The following CLEC4D variants were observed in gnomAD, a reference collection of about 807,000 sequenced individuals.
CLEC4D encodes the protein C-type (calcium dependent, carbohydrate-recognition domain) lectin, superfamily member 8.
In CLEC4D, 21 loss-of-function variants were observed where a neutral mutation model predicts 21.1. That is an observed-to-expected ratio of 1.00 (90% confidence interval 0.71 to 1.43). The LOEUF is 1.43. Among genes scored for constraint, CLEC4D ranks in the 40% most tolerant of loss-of-function variants. CLEC4D has a pLI of 0.00. For missense variants in CLEC4D, 289 were observed against 260.7 expected, an observed-to-expected ratio of 1.11 and a Z score of -0.75; for synonymous variants, 85 against 83.1, an observed-to-expected ratio of 1.02 and a Z score of -0.12.
intron 3 of CLEC4D, among the ~76,000 whole-genome samples, chr12:8,518,546 A>G (rs974022516): frequency 6.6e-6 from 1 of 152,238 alleles, no homozygotes; most frequent in Non-Finnish European, 1.5e-5. Flanking sequence ...TGATTCAGAC[A>G]TATGATAAAG....
rs1041214765 is a variant in CLEC4D at position 8,521,936 on chromosome 12, C to T, written c.*665C>T. The T allele has an allele frequency of 6.6e-6, 1 of 152,128 alleles. No homozygotes were observed. The allele number at this position is 152,128 out of a possible 1,614,324, so 9.4% of individuals were successfully genotyped here. A position where few individuals can be genotyped will look rare whatever the true frequency, so the allele number is the denominator to read the frequency against. ...AGAAGTCTTTGTAAGACACCTTAAA[C>T]AAAGTCCTTCAATTCTACAGCAGAG... On this transcript the variant is annotated 3_prime_UTR_variant, in exon 6 of 6. Coordinates refer to ENST00000299665, the MANE Select transcript of CLEC4D (RefSeq NM_080387.5).
the CLEC4D span, among the ~76,000 whole-genome samples, chr12:8,529,058 G>T: frequency 3.9e-5 from 6 of 151,948 alleles, no homozygotes; most frequent in South Asian, 2.1e-4. Flanking sequence ...CATTTATATT[G>T]CATTGTTGCA....
intron 1 of CLEC4D, among the ~76,000 whole-genome samples, chr12:8,514,358 T>G (rs1197619482): frequency 6.6e-6 from 1 of 152,148 alleles, no homozygotes; most frequent in African/African-American, 2.4e-5. Flanking sequence ...ATTTAATTAC[T>G]ATACAGAATA....
In CLEC4D at chr12:8,522,233, T is replaced by C. The variant is rs1940467376; in HGVS notation, c.*962T>C. The C allele has an allele frequency of 6.6e-6, 1 of 152,230 alleles. No individual in the cohort carries two copies. Among genetic ancestry groups the C allele is most frequent in the South Asian group, 2.1e-4 (1 of 4,836 alleles). 9.4% of individuals were successfully genotyped at this position (152,230 alleles called of 1,614,324 possible). ...AATTGTTAATGTTTCTTTAGAGCTG[T>C]ATAACTATAGTTTGAACTAGCAAGG... On this transcript the variant is annotated 3_prime_UTR_variant, in exon 6 of 6. Transcript: ENST00000299665.
At chr12:8,515,983 T>C (rs1208103769) in intron 2 of CLEC4D, among the ~76,000 whole-genome samples, 2 of 152,132 alleles carry the variant, frequency 1.3e-5, no homozygotes, top group African/African-American at 4.8e-5. Context: ...TAAGACTCTT[T>C]ATATAAAACA....
At position 8,516,666 on chromosome 12, in the gene CLEC4D, T is replaced by A. The variant is rs747618375; in HGVS notation, c.121+1338T>A. Among the ~76,000 whole-genome samples the A allele has an allele frequency of 7.9e-5, 12 of 152,338 alleles. No homozygotes were observed. The South Asian group carries it at 1.2e-3, about 16-fold the overall frequency. Reference sequence around the variant, plus strand: ...AATTGCTTCTGGTGGAGTTTAAGCATTACAGTCACTCTGGAAAAGTTTACC... The same window carrying A: ...AATTGCTTCTGGTGGAGTTTAAGCAATACAGTCACTCTGGAAAAGTTTACC... On this transcript the variant is annotated intron_variant, in intron 2 of 5. Transcript: ENST00000299665.
downstream of CLEC4D, among the ~76,000 whole-genome samples, chr12:8,526,973 C>T (rs992834875): frequency 5.3e-5 from 8 of 152,142 alleles, no homozygotes; most frequent in East Asian, 1.4e-3. Flanking sequence ...CTGCAGTTTG[C>T]TGGGGGTTCA....
chr12:8,515,556 A>T (rs916433612), intron 2 of CLEC4D, among the ~76,000 whole-genome samples: 2 of 152,142 alleles, frequency 1.3e-5, no homozygotes, highest in Non-Finnish European at 2.9e-5. Context: ...TTTTCTGTAC[A>T]TGTAAAAGTT....
At position 8,521,180 on chromosome 12, in the gene CLEC4D, T is replaced by A; in HGVS notation, c.557T>A (p.Val186Asp). The change falls in exon 6 of 6, where the codon GTT (valine) becomes GAT (aspartate). Residue 186 changes from valine (V) to aspartate (D), a missense_variant. Physicochemically the swap from Val to Asp is radical, Grantham distance 152 (BLOSUM62 -3). Transcript: ENST00000299665. Reference protein sequence around the residue: ...NSQGENCVVLVYNQDKWAWND... With the variant: ...NSQGENCVVLDYNQDKWAWND... ...CAGGGAGAAAACTGTGTTGTTCTTG[T>A]TTATAACCAAGATAAATGGGCCTGG... The A allele has an allele frequency of 6.2e-7, 1 of 1,613,654 alleles. No individual in the cohort carries two copies. The highest frequency in any genetic ancestry group is 8.5e-7 in the Non-Finnish European group (1 of 1,179,708).
At chr12:8,527,791 G>T in the CLEC4D span, among the ~76,000 whole-genome samples, 1 of 152,198 alleles carries the variant, frequency 6.6e-6, no homozygotes, top group Admixed American at 6.5e-5. Flanking sequence ...AGAGTCGCGC[G>T]TTCCAGGGTT....
Position 8,521,484 on chromosome 12 carries a change from T to TAGA in CLEC4D, c.*213_*214insAGA. 1 of 1,013,868 alleles carries TAGA rather than the reference T, an allele frequency of 9.9e-7. No homozygotes were observed. The allele number at this position is 1,013,868 out of a possible 1,614,324, so 62.8% of individuals were successfully genotyped here. ...TAGATAATGTGGTTTTTGTATGGTG[T>TAGA]TTGATGGAAGGAATAATCTTTCTTT... is the stretch of plus-strand genomic sequence containing the variant. On this transcript the variant is annotated 3_prime_UTR_variant, in exon 6 of 6. Transcript: ENST00000299665.
the CLEC4D span, among the ~76,000 whole-genome samples, chr12:8,527,641 G>A: frequency 6.6e-6 from 1 of 152,230 alleles, no homozygotes; most frequent in South Asian, 2.1e-4. Context: ...GAGTCCCAGT[G>A]CTGGCTACTG....
At chr12:8,530,448 T>C in the CLEC4D span, among the ~76,000 whole-genome samples, 1 of 125,588 alleles carries the variant, frequency 8.0e-6, no homozygotes, top group Non-Finnish European at 1.6e-5. Context: ...CCAGTAATTA[T>C]ATCAAGAAAG....
In CLEC4D at chr12:8,513,706, A is replaced by G; in HGVS notation, c.-27A>G. ...AATAGAACAAATTCTTGCCGTCCTGACCATTGAACAAGAGACTAATTAGAC... is the reference window on the plus strand; with the variant it reads ...AATAGAACAAATTCTTGCCGTCCTGGCCATTGAACAAGAGACTAATTAGAC... On this transcript the variant is annotated 5_prime_UTR_variant, in exon 1 of 6. Transcript: ENST00000299665. The G allele has an allele frequency of 9.9e-7, 1 of 1,006,754 alleles. No homozygotes were observed. Among genetic ancestry groups the G allele is most frequent in the Non-Finnish European group, 1.6e-6 (1 of 626,800 alleles). 62.4% of individuals were successfully genotyped at this position (1,006,754 alleles called of 1,614,324 possible).
chr12:8,522,317 A>T lies in CLEC4D; in HGVS notation c.*1046A>T, dbSNP rs1273755683. 1 of 152,182 alleles carries T rather than the reference A, an allele frequency of 6.6e-6. No homozygotes were observed. The highest frequency in any genetic ancestry group is 1.5e-5 in the Non-Finnish European group (1 of 68,000). 9.4% of individuals were successfully genotyped at this position (152,182 alleles called of 1,614,324 possible). A position where few individuals can be genotyped will look rare whatever the true frequency, so the allele number is the denominator to read the frequency against. ...TTCTGGTGCATGAAACATTAATTGC[A>T]AAGGGCAGTCACATCCAACTTTAAT... On this transcript the variant is annotated 3_prime_UTR_variant, in exon 6 of 6. Transcript: ENST00000299665.
In CLEC4D at chr12:8,513,623, T is replaced by C; in HGVS notation, c.-110T>C. On this transcript the variant is annotated 5_prime_UTR_variant, in exon 1 of 6. Transcript: ENST00000299665. ...TACAATATGTAACATTGGTGTTCGATCTCAAGTATTTCTGAATATATTCCC... is the reference window on the plus strand; with the variant it reads ...TACAATATGTAACATTGGTGTTCGACCTCAAGTATTTCTGAATATATTCCC... 3.1e-6 allele frequency: 2 copies of C among 652,940 alleles called. No homozygotes were observed. The highest frequency in any genetic ancestry group is 4.1e-5 in the South Asian group (2 of 48,990). The allele number at this position is 652,940 out of a possible 1,614,324, so 40.4% of individuals were successfully genotyped here.
chr12:8,517,314 T>G (rs1940393293), intron 2 of CLEC4D, among the ~76,000 whole-genome samples: 1 of 152,088 alleles, frequency 6.6e-6, no homozygotes, highest in Non-Finnish European at 1.5e-5. Context: ...TTTATTTTAT[T>G]ATACTTTAAG....
downstream of CLEC4D, among the ~76,000 whole-genome samples, chr12:8,524,759 A>G (rs12300561): frequency 0.072 from 10,934 of 151,722 alleles, 768 homozygotes; most frequent in African/African-American, 0.18. Context: ...TTAGTTTGCT[A>G]TTGCTTCTTT....
Position 8,513,575 on chromosome 12 carries a change from T to C in CLEC4D, c.-158T>C. 2.2e-6 allele frequency: 1 copy of C among 451,218 alleles called. No homozygotes were observed. Among genetic ancestry groups the C allele is most frequent in the Non-Finnish European group, 4.0e-6 (1 of 247,616 alleles). 28.0% of individuals were successfully genotyped at this position (451,218 alleles called of 1,614,324 possible). On this transcript the variant is annotated 5_prime_UTR_variant, in exon 1 of 6. Coordinates refer to ENST00000299665, the MANE Select transcript of CLEC4D (RefSeq NM_080387.5). ...GACTTCTTTTGAGCTAACTTTCTTA[T>C]ACTGGTACCTTTCTAATCTCACTAC...
Sources: gnomAD v4.1 joint callset for allele counts (sites outside exome capture counted in the v4.1 genomes callset) on GRCh38, gnomAD v4.1.1 for gene constraint, MANE v1.5 for transcripts, NCBI Gene and HGNC (gene_info 2026-07-23, HGNC 2026-07-21) for gene names.